RBMS2: variants seen among roughly 807,000 people sequenced by gnomAD.
The protein encoded by RBMS2 is RNA-binding motif, single-stranded-interacting protein 2.
A neutral mutation model predicts 58.4 loss-of-function variants in RBMS2; 38 were observed. The ratio of observed to expected loss-of-function variants is 0.65; its 90% CI spans 0.50 to 0.85. RBMS2 has a LOEUF of 0.85. RBMS2 is among the 40% of genes least tolerant of loss of function. The pLI is 0.00. For missense variants in RBMS2, 367 were observed against 503.7 expected (o/e 0.73, Z 2.60); for synonymous variants, 151 against 180.7 (o/e 0.84, Z 1.32).
chr12:56,532,827 G>A (rs1206038474), intron 1 of RBMS2, among the ~76,000 whole-genome samples: 1 of 152,172 alleles, frequency 6.6e-6, no homozygotes, highest in African/African-American at 2.4e-5. Flanking sequence ...TTCATTGCCT[G>A]TAAATTACGT....
At position 56,587,664 on chromosome 12, in the gene RBMS2, G is replaced by A. The variant is rs374841391; in HGVS notation, c.1062G>A (p.Thr354=). The change falls in exon 11 of 14, where the codon ACG becomes ACA. Residue 354 remains threonine (T), a splice_region_variant and synonymous_variant. Transcript: ENST00000262031. ...ATCTCTCCCTCAGCAGCACAGGCAC[G>A]GTAAAGCAGGATATTTCTGATTGTA... The part of the protein sequence containing the change: ...LGHLSLSSTG[T]YMPTAAAMQG... 66 of 1,612,212 alleles carry A rather than the reference G, an allele frequency of 4.1e-5. No individual in the cohort carries two copies. Among genetic ancestry groups the A allele is most frequent in the Non-Finnish European group, 5.3e-5 (62 of 1,178,682 alleles).
Position 56,593,567 on chromosome 12 carries a change from G to A in RBMS2, c.*4434G>A, listed in dbSNP as rs1225723639. 1 of 151,728 alleles carries A rather than the reference G, an allele frequency of 6.6e-6. No individual in the cohort carries two copies. The allele number at this position is 151,728 out of a possible 1,614,324, so 9.4% of individuals were successfully genotyped here. ...TTTTTTATTTTTATTTTTTCTTTGA[G>A]ACGGAGTCTCGCTCTGTCGCCCAGG... On this transcript the variant is annotated 3_prime_UTR_variant, in exon 14 of 14. Transcript: ENST00000262031.
chr12:56,580,216 C>G (rs1000566952), intron 5 of RBMS2: 5 of 401,432 alleles, frequency 1.2e-5, no homozygotes, highest in Non-Finnish European at 2.4e-5. Context: ...CAGGCGTGAA[C>G]CACTGAGCCT....
intron 1 of RBMS2, among the ~76,000 whole-genome samples, chr12:56,523,565 G>A (rs938186626): frequency 7.2e-5 from 11 of 152,122 alleles, no homozygotes; most frequent in African/African-American, 2.7e-4. Flanking sequence ...GATCACTTGA[G>A]GTCAGGAGTT....
intron 1 of RBMS2, among the ~76,000 whole-genome samples, chr12:56,554,024 C>T (rs1465211279): frequency 6.6e-6 from 1 of 152,076 alleles, no homozygotes; most frequent in African/African-American, 2.4e-5. Flanking sequence ...AGGGTTTCAG[C>T]ATGTTGGCCA....
chr12:56,521,977 T>TTCTCTC lies in RBMS2; in HGVS notation c.-32_-27dup. On this transcript the variant is annotated 5_prime_UTR_variant, in exon 1 of 14. Coordinates refer to ENST00000262031, the MANE Select transcript of RBMS2 (RefSeq NM_002898.4). ...TCCCCGTCTTTCTTACCCCCTCCCT[T>TTCTCTC]TCTCTCTCTCTCTCTCTCTCGCTCG... The TTCTCTC allele has an allele frequency of 1.5e-6, 1 of 679,810 alleles. No individual in the cohort carries two copies. Among genetic ancestry groups the TTCTCTC allele is most frequent in the Non-Finnish European group, 2.3e-6 (1 of 438,064 alleles). 42.1% of individuals were successfully genotyped at this position (679,810 alleles called of 1,614,324 possible). A position where few individuals can be genotyped will look rare whatever the true frequency, so the allele number is the denominator to read the frequency against.
At position 56,533,408 on chromosome 12, in the gene RBMS2, C is replaced by CTTTTTTTTTTTTTT. The variant is rs1164155079; in HGVS notation, c.66+11331_66+11344dup. Reference sequence around the variant, plus strand: ...TGAGCCGCGGCACCCAGCCCTATTACTTTTTTTTTTTTTTTTTTTTTTTTT... The same window carrying CTTTTTTTTTTTTTT: ...TGAGCCGCGGCACCCAGCCCTATTACTTTTTTTTTTTTTTTTTTTTTTTTTTTTTTTTTTTTTTT... On this transcript the variant is annotated intron_variant, in intron 1 of 13. Transcript: ENST00000262031. 7.8e-4 allele frequency among the ~76,000 whole-genome samples: 51 copies of CTTTTTTTTTTTTTT among 65,304 alleles called. 11 individuals are homozygous for CTTTTTTTTTTTTTT. Among genetic ancestry groups the CTTTTTTTTTTTTTT allele is most frequent in the East Asian group, 1.5e-3 (3 of 1,958 alleles). The allele number at this position is 65,304 out of a possible 152,430, so 42.8% of individuals were successfully genotyped here.
chr12:56,590,253 G>A lies in RBMS2; in HGVS notation c.*1120G>A, dbSNP rs900042366. 6.6e-6 allele frequency: 1 copy of A among 152,194 alleles called. No homozygotes were observed. Among genetic ancestry groups the A allele is most frequent in the African/African-American group, 2.4e-5 (1 of 41,420 alleles). The allele number at this position is 152,194 out of a possible 1,614,324, so 9.4% of individuals were successfully genotyped here. A position where few individuals can be genotyped will look rare whatever the true frequency, so the allele number is the denominator to read the frequency against. ...ACACATTGCTGTGCTCAGAGCCTTTGCAGCTGCGACCTAGTTGAATCCACA... is the reference window on the plus strand; with the variant it reads ...ACACATTGCTGTGCTCAGAGCCTTTACAGCTGCGACCTAGTTGAATCCACA... On this transcript the variant is annotated 3_prime_UTR_variant, in exon 14 of 14. Coordinates refer to ENST00000262031, the MANE Select transcript of RBMS2 (RefSeq NM_002898.4).
rs200700665 is a variant in RBMS2, at chr12:56,537,752, CTA to C, written c.66+15665_66+15666del. On this transcript the variant is annotated intron_variant, in intron 1 of 13. Coordinates refer to ENST00000262031, the MANE Select transcript of RBMS2 (RefSeq NM_002898.4). ...GGAATTGCTACATCATATGGCAAGT[CTA>C]TTTTTAACTTTTTCAGGAACCACTG... Among the ~76,000 whole-genome samples, 573 of 151,972 alleles carry C rather than the reference CTA, an allele frequency of 3.8e-3. 18 individuals carry two copies. Among genetic ancestry groups the C allele is most frequent in the Admixed American group, 0.033 (504 of 15,248 alleles).
At chr12:56,548,017 T>C (rs1462374729) in intron 1 of RBMS2, among the ~76,000 whole-genome samples, 1 of 152,154 alleles carries the variant, frequency 6.6e-6, no homozygotes, top group Non-Finnish European at 1.5e-5. Context: ...CTTGTGGATG[T>C]GCATTTAAAT....
At chr12:56,572,936 C>G in intron 5 of RBMS2, 1 of 985,060 alleles carries the variant, frequency 1.0e-6, no homozygotes, top group Non-Finnish European at 1.2e-6. Context: ...CCCAGGTGCC[C>G]TTCTTTGGGC....
chr12:56,520,862 G>A (rs976807331), upstream of RBMS2, among the ~76,000 whole-genome samples: 4 of 152,096 alleles, frequency 2.6e-5, no homozygotes, highest in South Asian at 4.1e-4. Context: ...TTAAAGATGA[G>A]GAAATAGCAG....
rs1474468710 is a variant in RBMS2 at position 56,530,134 on chromosome 12, C to T, written c.66+8045C>T. Among the ~76,000 whole-genome samples the T allele has an allele frequency of 9.9e-5, 15 of 152,146 alleles. 1 individual carries two copies. Among genetic ancestry groups the T allele is most frequent in the Admixed American group, 9.8e-4 (15 of 15,252 alleles). On this transcript the variant is annotated intron_variant, in intron 1 of 13. Transcript: ENST00000262031. ...TGTTGCTCAGGCTTGTCTCAAACCC[C>T]TGGGCTCAAGCGATCCTCCTGCCTT...
Position 56,594,989 on chromosome 12 carries a change from G to C in RBMS2, c.*5856G>C, listed in dbSNP as rs1453160566. The stretch of plus-strand genomic sequence containing the variant: ...TCTATTCCTACAGTGTTTTCTCTGG[G>C]ATTTTTAGCTCACTGATCGCCCTAG... On this transcript the variant is annotated 3_prime_UTR_variant, in exon 14 of 14. Coordinates refer to ENST00000262031, the MANE Select transcript of RBMS2 (RefSeq NM_002898.4). 2 of 152,206 alleles carry C rather than the reference G, an allele frequency of 1.3e-5. No individual in the cohort carries two copies. Among genetic ancestry groups the C allele is most frequent in the Non-Finnish European group, 2.9e-5 (2 of 68,034 alleles). 9.4% of individuals were successfully genotyped at this position (152,206 alleles called of 1,614,324 possible). A position where few individuals can be genotyped will look rare whatever the true frequency, so the allele number is the denominator to read the frequency against.
At chr12:56,566,531 T>C (rs1206165799) in intron 2 of RBMS2, among the ~76,000 whole-genome samples, 1 of 152,158 alleles carries the variant, frequency 6.6e-6, no homozygotes, top group East Asian at 1.9e-4. Flanking sequence ...AAAACACAAC[T>C]GTTAGGCTGG....
At chr12:56,576,790 C>A (rs949123521) in intron 5 of RBMS2, among the ~76,000 whole-genome samples, 1 of 151,788 alleles carries the variant, frequency 6.6e-6, no homozygotes, top group Non-Finnish European at 1.5e-5. Context: ...TGTATAATAC[C>A]AGCACTTTGG....
intron 1 of RBMS2, among the ~76,000 whole-genome samples, chr12:56,561,488 C>T (rs1270982822): frequency 1.3e-5 from 2 of 151,900 alleles, no homozygotes; most frequent in African/African-American, 4.8e-5. Flanking sequence ...AGATGGTATC[C>T]CACTGTGGTT....
chr12:56,552,306 C>T (rs1878410739), intron 1 of RBMS2, among the ~76,000 whole-genome samples: 1 of 152,114 alleles, frequency 6.6e-6, no homozygotes, highest in Non-Finnish European at 1.5e-5. Context: ...CCAGTGAAAC[C>T]TAGACAGTAC....
At chr12:56,573,976 G>T (rs1362919541) in intron 5 of RBMS2, among the ~76,000 whole-genome samples, 1 of 152,092 alleles carries the variant, frequency 6.6e-6, no homozygotes. Context: ...GAGTAACTGG[G>T]ATTACAGGCG....
Sources: gnomAD v4.1 joint callset for allele counts (sites outside exome capture counted in the v4.1 genomes callset) on GRCh38, gnomAD v4.1.1 for gene constraint, MANE v1.5 for transcripts, NCBI Gene and HGNC (gene_info 2026-07-23, HGNC 2026-07-21) for gene names.